Variants in USP10 observed in about 807,000 individuals in gnomAD.
The protein encoded by USP10 is ubiquitin specific peptidase 10.
In USP10, 22 loss-of-function variants were observed where a neutral mutation model predicts 84.5. The ratio of observed to expected loss-of-function variants is 0.26; its 90% CI spans 0.19 to 0.37. The LOEUF (loss-of-function observed/expected upper bound fraction) is 0.37, where lower values mean the gene tolerates loss of function less well. Among genes scored for constraint, USP10 ranks in the 10% least tolerant of loss-of-function variants. The pLI is 1.00. For synonymous variants in USP10, 454 were observed against 387.6 expected (o/e 1.17, Z -2.01); for missense variants, 1,019 against 998.9 (o/e 1.02, Z -0.27).
intron 11 of USP10, among the ~76,000 whole-genome samples, chr16:84,772,208 C>T (rs1190912791): frequency 6.6e-6 from 1 of 152,050 alleles, no homozygotes; most frequent in Non-Finnish European, 1.5e-5. Context: ...CCCACCACCA[C>T]GCCTGGCTAA....
intron 11 of USP10, among the ~76,000 whole-genome samples, chr16:84,768,790 AAATAT>A (rs1332956838): frequency 6.6e-6 from 1 of 152,186 alleles, no homozygotes; most frequent in Non-Finnish European, 1.5e-5. Flanking sequence ...AGGTCATTGT[AAATAT>A]AATATAGTCA....
At chr16:84,700,355 G>A (rs1018214780) in intron 1 of USP10, among the ~76,000 whole-genome samples, 2 of 151,978 alleles carry the variant, frequency 1.3e-5, no homozygotes, top group Non-Finnish European at 2.9e-5. Flanking sequence ...TCCGGGCCCC[G>A]CTTGGGGAGG....
intron 1 of USP10, chr16:84,704,679 G>A (rs544392799): frequency 7.1e-5 from 104 of 1,459,434 alleles, no homozygotes; most frequent in Admixed American, 1.3e-4. Context: ...CATAAACCTC[G>A]ATGTAGAATC....
chr16:84,743,448 C>A (rs907616627), intron 3 of USP10, among the ~76,000 whole-genome samples: 3 of 152,126 alleles, frequency 2.0e-5, no homozygotes, highest in Non-Finnish European at 4.4e-5. Flanking sequence ...ATTTTTTCTT[C>A]TACAAAAAGA....
intron 1 of USP10, among the ~76,000 whole-genome samples, chr16:84,726,994 G>A (rs1397453003): frequency 6.6e-6 from 1 of 152,176 alleles, no homozygotes; most frequent in African/African-American, 2.4e-5. Context: ...ATGGTATTTG[G>A]TGTAGCTGTG....
At chr16:84,709,993 G>C (rs370947303) in intron 1 of USP10, among the ~76,000 whole-genome samples, 1 of 152,260 alleles carries the variant, frequency 6.6e-6, no homozygotes. Context: ...GGTTGAGGCC[G>C]GGTGCGAGGC....
At chr16:84,740,212 G>A in intron 2 of USP10, 97 bp from the exon 3 acceptor site, 1 of 1,098,756 alleles carries the variant, frequency 9.1e-7, no homozygotes. Context: ...AAGTTGTATG[G>A]ATTAAGAGTT....
At chr16:84,769,492 A>G (rs371807009) in intron 11 of USP10, among the ~76,000 whole-genome samples, 30 of 152,292 alleles carry the variant, frequency 2.0e-4, no homozygotes, top group African/African-American at 7.2e-4. Context: ...TGAATGAGCT[A>G]AGAAGAGTCT....
At chr16:84,722,711 C>T (rs954346714) in intron 1 of USP10, among the ~76,000 whole-genome samples, 10 of 152,050 alleles carry the variant, frequency 6.6e-5, no homozygotes, top group Non-Finnish European at 1.5e-4. Flanking sequence ...AGGCAGACTC[C>T]CCCACGCCCA....
Position 84,745,078 on chromosome 16 carries a change from C to T in USP10, c.597C>T (p.Asp199=). 2 of 1,613,644 alleles carry T rather than the reference C, an allele frequency of 1.2e-6. No homozygotes were observed. Among genetic ancestry groups the T allele is most frequent in the Non-Finnish European group, 1.7e-6 (2 of 1,179,614 alleles). Residue 199 remains aspartate (D), a synonymous_variant, in exon 4 of 14, where the codon GAC becomes GAT. Coordinates refer to ENST00000219473, the MANE Select transcript of USP10 (RefSeq NM_005153.3). ...CAGAGGATGCAGAATTTATGGGTGA[C>T]ATGCCCCCGTCAGTTACGCCCAGGA... ...VSAEDAEFMG[D]MPPSVTPRTC... is the part of the protein sequence containing the mutation.
chr16:84,718,234 A>G (rs1461010720), intron 1 of USP10, among the ~76,000 whole-genome samples: 1 of 152,176 alleles, frequency 6.6e-6, no homozygotes, highest in East Asian at 1.9e-4. Context: ...TTCAGAAGAC[A>G]TTTCTGAAGA....
chr16:84,734,099 C>T (rs958000616), intron 2 of USP10, among the ~76,000 whole-genome samples: 3 of 152,166 alleles, frequency 2.0e-5, no homozygotes, highest in African/African-American at 7.2e-5. Context: ...ATCATGTCTC[C>T]TGGTGCCCCT....
At position 84,764,175 on chromosome 16, in the gene USP10, C is replaced by A. The variant is rs776475774; in HGVS notation, c.1744C>A (p.Gln582Lys). The A allele has an allele frequency of 5.6e-6, 9 of 1,613,984 alleles. No homozygotes were observed. In the Admixed American group the frequency reaches 1.3e-4, roughly 24 times the overall value. ...TGAAGGAAGCGAGGATGAATGGGAA[C>A]AAGTGGGCCCCCGGAACAAGACTTC... ...QGEGSEDEWE[Q>K]VGPRNKTSVT... Residue 582 changes from glutamine to lysine, a missense_variant, in exon 10 of 14, where the codon CAA (glutamine) becomes AAA (lysine). Transcript: ENST00000219473.
intron 11 of USP10, 29 bp downstream of exon 11, chr16:84,768,387 C>T: frequency 2.6e-6 from 4 of 1,522,228 alleles, no homozygotes; most frequent in Non-Finnish European, 3.6e-6. Context: ...TTGAACCTTT[C>T]TACTAAGGTG....
intron 4 of USP10, among the ~76,000 whole-genome samples, chr16:84,753,901 C>G (rs1324826793): frequency 6.6e-6 from 1 of 152,122 alleles, no homozygotes; most frequent in Non-Finnish European, 1.5e-5. Context: ...CAGAAAGGAA[C>G]AGATGGCAGC....
At chr16:84,705,673 A>G (rs1330803815) in intron 1 of USP10, among the ~76,000 whole-genome samples, 4 of 115,584 alleles carry the variant, frequency 3.5e-5, no homozygotes, top group African/African-American at 1.4e-4. Context: ...GCTCCTTTCC[A>G]TTTGTGTATG....
At chr16:84,727,339 C>T (rs78318978) in intron 1 of USP10, among the ~76,000 whole-genome samples, 3,120 of 152,238 alleles carry the variant, frequency 0.02, 104 homozygotes, top group African/African-American at 0.071. Context: ...TTTCCCCCCT[C>T]ATGTGACAGC....
intron 1 of USP10, among the ~76,000 whole-genome samples, chr16:84,722,614 T>G (rs1681995824): frequency 6.6e-6 from 1 of 152,080 alleles, no homozygotes; most frequent in African/African-American, 2.4e-5. Context: ...CAGGCTGGAG[T>G]GCAGTGGTGT....
chr16:84,776,347 C>T (rs539955052), intron 13 of USP10, among the ~76,000 whole-genome samples: 1 of 152,308 alleles, frequency 6.6e-6, no homozygotes, highest in Admixed American at 6.5e-5. Flanking sequence ...TGGGTGAGGC[C>T]CAGAGCCACA....
Sources: allele counts gnomAD v4.1 joint callset (sites outside exome capture counted in the v4.1 genomes callset), GRCh38; gene constraint gnomAD v4.1.1; transcripts MANE v1.5; gene names NCBI Gene and HGNC (gene_info 2026-07-23, HGNC 2026-07-21).